LRP1B: variants seen among roughly 807,000 people sequenced by gnomAD.
LRP1B encodes low-density lipoprotein receptor-related protein 1B.
Under a neutral mutation model 556.6 loss-of-function variants are expected in LRP1B, and 217 were observed. The observed-to-expected ratio is 0.39, with a 90% CI of 0.35 to 0.44. LRP1B has a LOEUF of 0.44. Among genes scored for constraint, LRP1B ranks in the 20% least tolerant of loss-of-function variants. The pLI is 1.00. For synonymous variants in LRP1B, 2,047 were observed against 1,865.8 expected, an observed-to-expected ratio of 1.10 and a Z score of -2.50; for missense variants, 5,053 against 5,620.8, an observed-to-expected ratio of 0.90 and a Z score of 3.23.
At chr2:141,764,583 T>C (rs1337452038) in intron 2 of LRP1B, among the ~76,000 whole-genome samples, 1 of 152,102 alleles carries the variant, frequency 6.6e-6, no homozygotes, top group Non-Finnish European at 1.5e-5. Flanking sequence ...CACAGCCCTC[T>C]ACAAGCCAAA....
At chr2:141,112,501 T>G (rs1700780806) in intron 7 of LRP1B, among the ~76,000 whole-genome samples, 1 of 152,166 alleles carries the variant, frequency 6.6e-6, no homozygotes, top group East Asian at 1.9e-4. Flanking sequence ...AAAAAATACG[T>G]TAAAATAAGC....
At chr2:141,479,512 T>C (rs771823098) in intron 3 of LRP1B, among the ~76,000 whole-genome samples, 1 of 152,122 alleles carries the variant, frequency 6.6e-6, no homozygotes, top group Non-Finnish European at 1.5e-5. Context: ...TTCTTTGTTG[T>C]CTTACTGACC....
At chr2:140,644,486 C>A (rs1400751562) in intron 41 of LRP1B, among the ~76,000 whole-genome samples, 2 of 150,912 alleles carry the variant, frequency 1.3e-5, no homozygotes, top group African/African-American at 4.9e-5. Context: ...GTAGCCTCAA[C>A]CTCCTGGGCT....
At chr2:142,085,665 A>G (rs1211020876) in intron 1 of LRP1B, among the ~76,000 whole-genome samples, 1 of 152,074 alleles carries the variant, frequency 6.6e-6, no homozygotes, top group African/African-American at 2.4e-5. Context: ...GTGTGTGTGT[A>G]TGTGTATGAG....
chr2:142,082,205 C>A (rs1356215566), intron 1 of LRP1B, among the ~76,000 whole-genome samples: 2 of 152,094 alleles, frequency 1.3e-5, no homozygotes, highest in Non-Finnish European at 2.9e-5. Context: ...ACTAAAATTT[C>A]TCTACTACAT....
chr2:141,266,621 C>A (rs1558970122), intron 3 of LRP1B, among the ~76,000 whole-genome samples: 1 of 152,110 alleles, frequency 6.6e-6, no homozygotes, highest in African/African-American at 2.4e-5. Context: ...AGAGAAAGAG[C>A]CCCAACCACC....
intron 7 of LRP1B, among the ~76,000 whole-genome samples, chr2:141,130,704 T>G (rs1042289405): frequency 3.3e-5 from 5 of 152,092 alleles, no homozygotes; most frequent in Non-Finnish European, 5.9e-5. Context: ...GATTAATAAA[T>G]AGTAGTACAC....
At chr2:141,929,912 C>CAAAAAAAAAAAA (rs70994467) in intron 1 of LRP1B, among the ~76,000 whole-genome samples, 1 of 104,134 alleles carries the variant, frequency 9.6e-6, no homozygotes. Flanking sequence ...CGGATGGAAA[C>CAAAAAAAAAAAA]AAAAAAAAAA....
At chr2:140,797,163 C>T (rs34595375) in intron 32 of LRP1B, among the ~76,000 whole-genome samples, 6,831 of 151,766 alleles carry the variant, frequency 0.045, 190 homozygotes, top group Non-Finnish European at 0.07. Flanking sequence ...GTCCATATTC[C>T]GTGAATGCTT....
chr2:140,887,130 A>T (rs1693660886), intron 23 of LRP1B, among the ~76,000 whole-genome samples: 1 of 152,178 alleles, frequency 6.6e-6, no homozygotes, highest in Admixed American at 6.5e-5. Flanking sequence ...ATTGCACAGT[A>T]TTGTTTTTGC....
chr2:140,657,566 C>CATAT (rs1684925192), intron 41 of LRP1B, among the ~76,000 whole-genome samples: 2 of 144,968 alleles, frequency 1.4e-5, no homozygotes, highest in South Asian at 2.2e-4. Flanking sequence ...TATATATATA[C>CATAT]ACATACATAC....
At chr2:141,519,728 C>T (rs1264903547) in intron 2 of LRP1B, among the ~76,000 whole-genome samples, 2 of 151,874 alleles carry the variant, frequency 1.3e-5, no homozygotes, top group East Asian at 1.9e-4. Context: ...TAGACCTGTA[C>T]TCAATGTGTT....
At position 140,378,196 on chromosome 2, in the gene LRP1B, G is replaced by A. The variant is rs1298559197; in HGVS notation, c.10622C>T (p.Ala3541Val). The stretch of plus-strand genomic sequence containing the variant: ...GATGCCTACCTCATCAGAGCCATCT[G>A]CACAGTCAAAATCTCCATCACACCA... The part of the protein sequence containing the change: ...RFWCDGDFDC[A>V]DGSDERNCET... The change falls in exon 68 of 91, where the codon GCA (alanine) becomes GTA (valine). Residue 3541 changes from alanine to valine, a missense_variant. Coordinates refer to ENST00000389484, the MANE Select transcript of LRP1B (RefSeq NM_018557.3). 7 of 1,612,564 alleles carry A rather than the reference G, an allele frequency of 4.3e-6. No individual in the cohort carries two copies. The highest frequency in any genetic ancestry group is 5.9e-6 in the Non-Finnish European group (7 of 1,178,896).
chr2:142,051,001 C>T (rs1043432196), intron 1 of LRP1B, among the ~76,000 whole-genome samples: 1 of 151,986 alleles, frequency 6.6e-6, no homozygotes, highest in Non-Finnish European at 1.5e-5. Flanking sequence ...AAGAAAGTAT[C>T]AGCAAACACA....
At chr2:140,833,999 C>T (rs1004352138) in intron 31 of LRP1B, among the ~76,000 whole-genome samples, 1 of 152,126 alleles carries the variant, frequency 6.6e-6, no homozygotes, top group Non-Finnish European at 1.5e-5. Context: ...ATAAAAGTTG[C>T]CGATACTATT....
rs551900853 is a variant in LRP1B at position 141,179,256 on chromosome 2, A to G, written c.1013+9165T>C. The stretch of plus-strand genomic sequence containing the variant: ...GGTCCCAGATTGAATTTATGAGACT[A>G]ATTATTTAGGTATGTGTTGAAATTA... On this transcript the variant is annotated intron_variant, in intron 7 of 90. Coordinates refer to ENST00000389484, the MANE Select transcript of LRP1B (RefSeq NM_018557.3). Among the ~76,000 whole-genome samples the G allele has an allele frequency of 2.6e-5, 4 of 152,112 alleles. No individual in the cohort carries two copies. The East Asian group carries it at 7.8e-4, about 30-fold the overall frequency.
chr2:141,561,481 G>A (rs1424608856), intron 2 of LRP1B, among the ~76,000 whole-genome samples: 1 of 151,730 alleles, frequency 6.6e-6, no homozygotes, highest in East Asian at 1.9e-4. Context: ...TGGGAATCTT[G>A]GAAATTTAAA....
In LRP1B at chr2:141,614,326, T is replaced by C. The variant is rs576117235; in HGVS notation, c.206-133793A>G. ...AAATGAGAATAACCTCAGTCTAATGTGGAGGGGAAAATATAGTGTGTATAT... is the reference window on the plus strand; with the variant it reads ...AAATGAGAATAACCTCAGTCTAATGCGGAGGGGAAAATATAGTGTGTATAT... On this transcript the variant is annotated intron_variant, in intron 2 of 90. Transcript: ENST00000389484. 3.9e-5 allele frequency among the ~76,000 whole-genome samples: 6 copies of C among 152,196 alleles called. No homozygotes were observed. In the East Asian group the frequency reaches 7.7e-4, roughly 20 times the overall value.
intron 1 of LRP1B, among the ~76,000 whole-genome samples, chr2:141,827,800 T>C (rs1696987164): frequency 6.6e-6 from 1 of 152,124 alleles, no homozygotes; most frequent in African/African-American, 2.4e-5. Context: ...AAAATCCACA[T>C]ACACAAATAC....
Sources: gnomAD v4.1 joint callset for allele counts (sites outside exome capture counted in the v4.1 genomes callset) on GRCh38, gnomAD v4.1.1 for gene constraint, MANE v1.5 for transcripts, NCBI Gene and HGNC (gene_info 2026-07-23, HGNC 2026-07-21) for gene names.